EPB41L1: variants seen among roughly 807,000 people sequenced by gnomAD.
EPB41L1 encodes the protein erythrocyte membrane protein band 4.1 like 1, also known as band 4.1-like protein 1.
EPB41L1 carries 29 observed loss-of-function variants against 97.8 expected under a neutral mutation model. That is an observed-to-expected ratio of 0.30 (90% CI 0.22 to 0.40). EPB41L1 has a LOEUF of 0.40. Among genes scored for constraint, EPB41L1 ranks in the 10% least tolerant of loss-of-function variants. The probability of loss-of-function intolerance (pLI) is 1.00; values close to 1 mark genes in which losing one functional copy is unlikely to be tolerated. For synonymous variants in EPB41L1, 383 were observed against 459.2 expected, an observed-to-expected ratio of 0.83 and a Z score of 2.12; for missense variants, 812 against 1,162.3, an observed-to-expected ratio of 0.70 and a Z score of 4.38.
chr20:36,217,039 C>A (rs1040087329), intron 17 of EPB41L1, among the ~76,000 whole-genome samples: 1 of 152,206 alleles, frequency 6.6e-6, no homozygotes, highest in Non-Finnish European at 1.5e-5. Flanking sequence ...TGGGGCCCAG[C>A]AGTGTGTGTT....
chr20:36,174,565 G>A (rs991217631), intron 2 of EPB41L1, among the ~76,000 whole-genome samples: 1 of 151,438 alleles, frequency 6.6e-6, no homozygotes, highest in Admixed American at 6.6e-5. Flanking sequence ...GAGCCACCAT[G>A]CCTGGCCTTT....
At chr20:36,142,287 T>C (rs1383984054) in intron 2 of EPB41L1, among the ~76,000 whole-genome samples, 3 of 152,218 alleles carry the variant, frequency 2.0e-5, no homozygotes, top group South Asian at 2.1e-4. Context: ...TTTCAGCATA[T>C]GTATGTATCA....
At position 36,190,266 on chromosome 20, in the gene EPB41L1, T is replaced by C. The variant is rs759185178; in HGVS notation, c.1027-11T>C. 1 of 1,613,454 alleles carries C rather than the reference T, an allele frequency of 6.2e-7. No individual in the cohort carries two copies. The highest frequency in any genetic ancestry group is 8.5e-7 in the Non-Finnish European group (1 of 1,179,448). On this transcript the variant is annotated splice_polypyrimidine_tract_variant and intron_variant, in intron 9 of 21. Coordinates refer to ENST00000338074, the MANE Select transcript of EPB41L1 (RefSeq NM_012156.2). This position sits in a 1 kb window ranked among gnomAD's most constrained non-coding sequence, Gnocchi z 5.8. ...AGGCCCTGCCTCTAACCTGCCCTTTTGGTTTTCCAGTATGAGCAATTTGAG... is the reference window on the plus strand; with the variant it reads ...AGGCCCTGCCTCTAACCTGCCCTTTCGGTTTTCCAGTATGAGCAATTTGAG...
intron 17 of EPB41L1, among the ~76,000 whole-genome samples, chr20:36,217,590 A>C (rs2063519253): frequency 6.6e-6 from 1 of 152,178 alleles, no homozygotes; most frequent in Non-Finnish European, 1.5e-5. Context: ...TGAGAGAATA[A>C]GAGGCTTTAA....
At chr20:36,126,014 TG>T (rs1569070330) in intron 2 of EPB41L1, among the ~76,000 whole-genome samples, 1 of 151,718 alleles carries the variant, frequency 6.6e-6, no homozygotes, top group Admixed American at 6.6e-5. Context: ...ACTTTCTCGA[TG>T]GGGGGCTGAC....
intron 1 of EPB41L1, among the ~76,000 whole-genome samples, chr20:36,096,410 T>C (rs2057833671): frequency 6.6e-6 from 1 of 152,192 alleles, no homozygotes; most frequent in South Asian, 2.1e-4. Context: ...TTTCTCCAAT[T>C]CTTACTTTGA....
Position 36,207,490 on chromosome 20 carries a change from C to T in EPB41L1, c.1669-1998C>T, listed in dbSNP as rs921192836. 2.0e-5 allele frequency: 26 copies of T among 1,289,662 alleles called. No individual in the cohort carries two copies. In the African/African-American group the frequency reaches 2.3e-4, roughly 11 times the overall value. The allele number at this position is 1,289,662 out of a possible 1,614,324, so 79.9% of individuals were successfully genotyped here. On this transcript the variant is annotated intron_variant, in intron 14 of 21. Transcript: ENST00000338074. This position sits in a 1 kb window ranked among gnomAD's most constrained non-coding sequence, Gnocchi z 4.9. ...TGAGACCCACGGAGCTGAAACTCGC[C>T]GAATGAGTGAGGGTGAAGCAAGGTC...
At chr20:36,130,284 T>G (rs1220178342) in intron 2 of EPB41L1, among the ~76,000 whole-genome samples, 2 of 151,254 alleles carry the variant, frequency 1.3e-5, no homozygotes, top group African/African-American at 4.9e-5. Flanking sequence ...CATAATAACA[T>G]AGTACCAAGA....
At chr20:36,124,454 G>C (rs143069274) in intron 2 of EPB41L1, among the ~76,000 whole-genome samples, 47 of 152,176 alleles carry the variant, frequency 3.1e-4, no homozygotes, top group African/African-American at 1.1e-3. Context: ...TTATTCTATT[G>C]GTCATTTCCG....
chr20:36,183,391 G>A (rs1285074107), intron 6 of EPB41L1, among the ~76,000 whole-genome samples: 7 of 152,248 alleles, frequency 4.6e-5, no homozygotes, highest in African/African-American at 1.7e-4. Context: ...GAACAGATCA[G>A]GCCTGGGCTT....
At chr20:36,176,406 G>A (rs901078482) in intron 3 of EPB41L1, among the ~76,000 whole-genome samples, 2 of 152,166 alleles carry the variant, frequency 1.3e-5, no homozygotes, top group Non-Finnish European at 2.9e-5. Context: ...AGCCCTTAGA[G>A]GTTCTATCCC....
chr20:36,191,018 T>C (rs2061924127), intron 11 of EPB41L1, among the ~76,000 whole-genome samples: 1 of 152,168 alleles, frequency 6.6e-6, no homozygotes, highest in South Asian at 2.1e-4. Context: ...ACTACCACTC[T>C]CTGGATTCCC....
chr20:36,206,386 C>T lies in EPB41L1; in HGVS notation c.1669-3102C>T. On this transcript the variant is annotated intron_variant, in intron 14 of 21. Transcript: ENST00000338074. This position sits in a 1 kb window ranked among gnomAD's most constrained non-coding sequence, Gnocchi z 5.5. ...TCCAGCCTCCGACAAGGGAGGACTC[C>T]AGTCGTTTCTATTGGATCCAGCCCA... The T allele has an allele frequency of 7.8e-7, 1 of 1,289,992 alleles. No homozygotes were observed. The highest frequency in any genetic ancestry group is 1.0e-6 in the Non-Finnish European group (1 of 988,898). The allele number at this position is 1,289,992 out of a possible 1,614,324, so 79.9% of individuals were successfully genotyped here.
chr20:36,228,189 C>G (rs2064291082), intron 21 of EPB41L1, among the ~76,000 whole-genome samples: 1 of 152,190 alleles, frequency 6.6e-6, no homozygotes, highest in South Asian at 2.1e-4. Context: ...ATGTGCCAGG[C>G]ACAGTGTTGA....
chr20:36,144,524 C>G (rs950791727), intron 2 of EPB41L1, among the ~76,000 whole-genome samples: 1 of 152,330 alleles, frequency 6.6e-6, no homozygotes, highest in Middle Eastern at 3.4e-3. Flanking sequence ...TAGAGGGCAT[C>G]TTTGCCCAGG....
At chr20:36,097,622 G>A (rs778105868) in intron 1 of EPB41L1, among the ~76,000 whole-genome samples, 24 of 152,204 alleles carry the variant, frequency 1.6e-4, no homozygotes, top group Admixed American at 7.9e-4. Flanking sequence ...CAATACCACC[G>A]CAAGGACAAT....
At chr20:36,193,438 C>G (rs1216776854) in intron 11 of EPB41L1, among the ~76,000 whole-genome samples, 1 of 152,170 alleles carries the variant, frequency 6.6e-6, no homozygotes, top group Non-Finnish European at 1.5e-5. Flanking sequence ...TCTAGGCCAA[C>G]CCCAAGGATA....
chr20:36,126,040 G>A (rs191269288), intron 2 of EPB41L1, among the ~76,000 whole-genome samples: 15 of 152,250 alleles, frequency 9.9e-5, no homozygotes, highest in South Asian at 4.2e-4. Context: ...TTATAAAACC[G>A]AAAGTATGGA....
chr20:36,112,130 C>T (rs891781397), intron 1 of EPB41L1, among the ~76,000 whole-genome samples: 3 of 152,196 alleles, frequency 2.0e-5, no homozygotes, highest in African/African-American at 7.2e-5. Context: ...GCTTCCCCTG[C>T]CCCTCTTCCA....
Sources: gnomAD v4.1 joint callset for allele counts (sites outside exome capture counted in the v4.1 genomes callset) on GRCh38, gnomAD v4.1.1 for gene constraint, Gnocchi (gnomAD v3.1) non-coding constraint, MANE v1.5 for transcripts, NCBI Gene and HGNC (gene_info 2026-07-23, HGNC 2026-07-21) for gene names.